Variants in PTPRR observed in about 807,000 individuals in gnomAD.
PTPRR encodes receptor-type tyrosine-protein phosphatase R.
PTPRR carries 38 observed loss-of-function variants against 77.2 expected under a neutral mutation model. The observed-to-expected ratio is 0.49, with a 90% CI of 0.38 to 0.65. PTPRR has a LOEUF of 0.65. Among genes scored for constraint, PTPRR ranks in the 30% least tolerant of loss-of-function variants. The pLI is 0.00. For synonymous variants in PTPRR, 299 were observed against 283.1 expected, an observed-to-expected ratio of 1.06 and a Z score of -0.57; for missense variants, 744 against 799.2, an observed-to-expected ratio of 0.93 and a Z score of 0.83.
chr12:70,738,949 G>A (rs540143920), intron 6 of PTPRR, among the ~76,000 whole-genome samples: 1 of 152,126 alleles, frequency 6.6e-6, no homozygotes. Context: ...ACCTGGACTC[G>A]CCATGAGAAA....
intron 2 of PTPRR, among the ~76,000 whole-genome samples, chr12:70,814,904 A>C (rs1301902996): frequency 6.6e-6 from 1 of 152,282 alleles, no homozygotes; most frequent in East Asian, 1.9e-4. Flanking sequence ...GCACCCAACA[A>C]GGTACAATTC....
intron 2 of PTPRR, among the ~76,000 whole-genome samples, chr12:70,779,258 C>T (rs971393255): frequency 4.6e-5 from 7 of 151,736 alleles, no homozygotes; most frequent in Middle Eastern, 6.8e-3. Context: ...TAAATTCCAT[C>T]ATGTGGGCTC....
chr12:70,742,343 T>C (rs1565676970), intron 6 of PTPRR, among the ~76,000 whole-genome samples: 1 of 152,206 alleles, frequency 6.6e-6, no homozygotes. Context: ...TCTTGTTTTT[T>C]TGATTTGTAG....
chr12:70,747,953 C>T (rs1032301241), intron 5 of PTPRR, among the ~76,000 whole-genome samples: 3 of 151,990 alleles, frequency 2.0e-5, no homozygotes, highest in Non-Finnish European at 2.9e-5. Context: ...CCTCAGGAAA[C>T]GTTTGGCAGT....
At chr12:70,708,570 T>C (rs76642203) in intron 6 of PTPRR, among the ~76,000 whole-genome samples, 3 of 147,096 alleles carry the variant, frequency 2.0e-5, no homozygotes, top group Admixed American at 6.8e-5. Flanking sequence ...TTTTTACTCC[T>C]TTTTTTTTTG....
rs58439089 is a variant in PTPRR at position 70,919,673 on chromosome 12, G to GTTTTTTTTTT, written c.58+650_58+659dup. Among the ~76,000 whole-genome samples the GTTTTTTTTTT allele has an allele frequency of 2.4e-4, 26 of 110,074 alleles. 1 individual carries two copies. Among genetic ancestry groups the GTTTTTTTTTT allele is most frequent in the Non-Finnish European group, 3.4e-4 (18 of 52,358 alleles). 72.2% of individuals were successfully genotyped at this position (110,074 alleles called of 152,430 possible). On this transcript the variant is annotated intron_variant, in intron 1 of 13. Transcript: ENST00000283228. ...GGTTGTCAGCTTTGGAACTGTAATT[G>GTTTTTTTTTT]TTTTTTTTTTTTTTTTTTTTTTTTT... is the stretch of plus-strand genomic sequence containing the variant.
At chr12:70,885,511 C>T (rs527518244) in intron 2 of PTPRR, among the ~76,000 whole-genome samples, 69 of 151,696 alleles carry the variant, frequency 4.5e-4, no homozygotes, top group Non-Finnish European at 9.3e-4. Flanking sequence ...AGCAAGATTA[C>T]CTTAGTTATT....
At chr12:70,660,715 G>A (rs1041471382) in intron 12 of PTPRR, among the ~76,000 whole-genome samples, 4 of 152,124 alleles carry the variant, frequency 2.6e-5, no homozygotes, top group African/African-American at 9.7e-5. Flanking sequence ...CTTGTATTTC[G>A]CCGACTGTGT....
chr12:70,759,085 C>G (rs1158597954), intron 4 of PTPRR, among the ~76,000 whole-genome samples: 1 of 152,124 alleles, frequency 6.6e-6, no homozygotes, highest in Non-Finnish European at 1.5e-5. Flanking sequence ...CAGTTACACA[C>G]CACCATGCCC....
At chr12:70,776,515 T>A (rs1289293763) in intron 2 of PTPRR, among the ~76,000 whole-genome samples, 1 of 152,188 alleles carries the variant, frequency 6.6e-6, no homozygotes, top group Non-Finnish European at 1.5e-5. Context: ...TGAATGATCT[T>A]AACTCCTCCA....
At chr12:70,889,528 G>T (rs969539154) in intron 2 of PTPRR, among the ~76,000 whole-genome samples, 1 of 152,096 alleles carries the variant, frequency 6.6e-6, no homozygotes, top group Non-Finnish European at 1.5e-5. Context: ...TATTTGCAAA[G>T]AATTTTCTGT....
chr12:70,864,189 C>A (rs1172930359), intron 2 of PTPRR, among the ~76,000 whole-genome samples: 1 of 152,176 alleles, frequency 6.6e-6, no homozygotes, highest in African/African-American at 2.4e-5. Context: ...GACTGGCAAC[C>A]AGTCCCTAAT....
intron 2 of PTPRR, among the ~76,000 whole-genome samples, chr12:70,843,573 G>A (rs967731317): frequency 3.3e-5 from 5 of 152,162 alleles, no homozygotes; most frequent in Non-Finnish European, 7.3e-5. Context: ...CTGCTGACAA[G>A]TGGATTAACT....
At chr12:70,694,831 T>C (rs1047747784) in intron 8 of PTPRR, among the ~76,000 whole-genome samples, 2 of 152,152 alleles carry the variant, frequency 1.3e-5, no homozygotes, top group Admixed American at 1.3e-4. Flanking sequence ...TTAAACTTAT[T>C]ATTACAGTAT....
intron 6 of PTPRR, among the ~76,000 whole-genome samples, chr12:70,719,409 G>T (rs1040479804): frequency 6.6e-6 from 1 of 151,900 alleles, no homozygotes; most frequent in African/African-American, 2.4e-5. Flanking sequence ...ACAGCAAAAC[G>T]GTGCTTTATC....
rs1158327251 is a variant in PTPRR at position 70,812,755 on chromosome 12, A to G, written c.358-47977T>C. 2.0e-5 allele frequency among the ~76,000 whole-genome samples: 3 copies of G among 152,186 alleles called. No homozygotes were observed. The East Asian group carries it at 5.8e-4, about 29-fold the overall frequency. ...TAAGAAAAGCACACTCTTCAGAAAA[A>G]TGCCCTCCTTATGGATAAAACTAGA... On this transcript the variant is annotated intron_variant, in intron 2 of 13. Coordinates refer to ENST00000283228, the MANE Select transcript of PTPRR (RefSeq NM_002849.4).
At chr12:70,778,516 C>A (rs1169544720) in intron 2 of PTPRR, among the ~76,000 whole-genome samples, 1 of 152,116 alleles carries the variant, frequency 6.6e-6, no homozygotes, top group Non-Finnish European at 1.5e-5. Context: ...ACTAATTATG[C>A]AACTATATAT....
At position 70,684,199 on chromosome 12, in the gene PTPRR, A is replaced by G; in HGVS notation, c.1425T>C (p.Asp475=). Residue 475 remains aspartate, a synonymous_variant, in exon 10 of 14, where the codon GAT becomes GAC. Coordinates refer to ENST00000283228, the MANE Select transcript of PTPRR (RefSeq NM_002849.4). ...CTTCCTGCCAAACCATCTGCCAGAA[A>G]TCATCCACGGTGTTGATCATGGGGC... is the stretch of plus-strand genomic sequence containing the variant. ...TQGPMINTVD[D]FWQMVWQEDS... 1 of 1,614,120 alleles carries G rather than the reference A, an allele frequency of 6.2e-7. No individual in the cohort carries two copies. Among genetic ancestry groups the G allele is most frequent in the Non-Finnish European group, 8.5e-7 (1 of 1,179,982 alleles).
intron 4 of PTPRR, among the ~76,000 whole-genome samples, chr12:70,761,162 C>A (rs1439548951): frequency 6.6e-6 from 1 of 152,080 alleles, no homozygotes; most frequent in Admixed American, 6.5e-5. Flanking sequence ...TTCAAGCGAT[C>A]AATTGACAAA....
Sources: gnomAD v4.1 joint callset for allele counts (sites outside exome capture counted in the v4.1 genomes callset) on GRCh38, gnomAD v4.1.1 for gene constraint, MANE v1.5 for transcripts, NCBI Gene and HGNC (gene_info 2026-07-23, HGNC 2026-07-21) for gene names.